ELMO1: variants seen among roughly 807,000 people sequenced by gnomAD.
ELMO1 encodes engulfment and cell motility 1.
Under a neutral mutation model 98.9 loss-of-function variants are expected in ELMO1, and 26 were observed. The observed-to-expected ratio is 0.26, with a 90% CI of 0.19 to 0.36. ELMO1 has a LOEUF of 0.36. Ranked by LOEUF, ELMO1 falls within the 10% of genes least tolerant of loss-of-function variation. The pLI, the probability that ELMO1 is intolerant of heterozygous loss-of-function variation, is 1.00. For synonymous variants in ELMO1, 346 were observed against 346.0 expected (o/e 1.00, Z 0.00); for missense variants, 627 against 935.2 (o/e 0.67, Z 4.30).
chr7:37,160,956 T>C (rs745399352), intron 13 of ELMO1, among the ~76,000 whole-genome samples: 2 of 152,158 alleles, frequency 1.3e-5, no homozygotes, highest in Non-Finnish European at 2.9e-5. Context: ...CAGTTGATAC[T>C]CTTAGAAGGA....
At chr7:37,245,553 T>TTTACCTGC (rs1337514039) in intron 6 of ELMO1, among the ~76,000 whole-genome samples, 6 of 152,192 alleles carry the variant, frequency 3.9e-5, no homozygotes, top group Non-Finnish European at 8.8e-5. Flanking sequence ...CTCCCCCTCC[T>TTTACCTGC]TTACCTGCCT....
chr7:37,175,125 T>C (rs1203284237), intron 13 of ELMO1, among the ~76,000 whole-genome samples: 2 of 151,944 alleles, frequency 1.3e-5, no homozygotes, highest in African/African-American at 4.8e-5. Context: ...AAACAGCATT[T>C]GAAACACTGC....
At chr7:37,007,575 A>G (rs965058276) in intron 16 of ELMO1, among the ~76,000 whole-genome samples, 1 of 152,192 alleles carries the variant, frequency 6.6e-6, no homozygotes, top group Non-Finnish European at 1.5e-5. Context: ...CTGCACCACT[A>G]TGAAGTTGAA....
At chr7:37,360,100 T>G (rs2131323973) in intron 1 of ELMO1, among the ~76,000 whole-genome samples, 1 of 152,300 alleles carries the variant, frequency 6.6e-6, no homozygotes, top group South Asian at 2.1e-4. Flanking sequence ...ACCTTTTCAC[T>G]TCATGAATGG....
intron 13 of ELMO1, among the ~76,000 whole-genome samples, chr7:37,161,134 C>A (rs1789175256): frequency 6.6e-6 from 1 of 152,188 alleles, no homozygotes; most frequent in South Asian, 2.1e-4. Flanking sequence ...CGACTATGAG[C>A]TTTCAGTCTG....
intron 1 of ELMO1, among the ~76,000 whole-genome samples, chr7:37,424,357 T>TC (rs1463574550): frequency 6.6e-6 from 1 of 152,200 alleles, no homozygotes; most frequent in Non-Finnish European, 1.5e-5. Flanking sequence ...AAAGCTATCA[T>TC]CCTTCCATGA....
chr7:37,026,750 C>T (rs1794599835), intron 15 of ELMO1, among the ~76,000 whole-genome samples: 1 of 152,202 alleles, frequency 6.6e-6, no homozygotes, highest in Non-Finnish European at 1.5e-5. Context: ...TGGCACTTCA[C>T]TTCTAAAGCT....
chr7:36,998,654 G>A (rs1299333442), intron 16 of ELMO1, among the ~76,000 whole-genome samples: 1 of 152,136 alleles, frequency 6.6e-6, no homozygotes, highest in Non-Finnish European at 1.5e-5. Flanking sequence ...GGGCTACAAA[G>A]GTGGCAAACA....
chr7:37,303,205 G>A (rs1212731242), intron 4 of ELMO1, among the ~76,000 whole-genome samples: 3 of 152,188 alleles, frequency 2.0e-5, no homozygotes, highest in Non-Finnish European at 4.4e-5. Context: ...ACCTTGTAGA[G>A]CAAAGAGTGT....
intron 16 of ELMO1, among the ~76,000 whole-genome samples, chr7:37,005,692 C>CAAAAA (rs71553094): frequency 1.3e-4 from 5 of 37,496 alleles, no homozygotes; most frequent in East Asian, 9.9e-4. Context: ...GACTCTGTCT[C>CAAAAA]AAAAAAAAAA....
chr7:37,132,442 G>A (rs141412597), intron 14 of ELMO1, among the ~76,000 whole-genome samples: 87 of 152,212 alleles, frequency 5.7e-4, no homozygotes, highest in African/African-American at 1.8e-3. Flanking sequence ...TTCACCCTGA[G>A]GACAGGGGAG....
intron 9 of ELMO1, 27 bp downstream of exon 9, chr7:37,224,852 C>T: frequency 6.2e-7 from 1 of 1,607,930 alleles, no homozygotes; most frequent in South Asian, 1.1e-5. Flanking sequence ...AGCATTTCTC[C>T]TCCCCAGAGC....
At chr7:36,890,390 T>C (rs940572157) in intron 17 of ELMO1, among the ~76,000 whole-genome samples, 19 of 152,184 alleles carry the variant, frequency 1.2e-4, no homozygotes, top group African/African-American at 3.9e-4. Flanking sequence ...ACTGAGCAAC[T>C]ACCCACTGTC....
At chr7:37,444,647 G>C (rs1334870543) in intron 1 of ELMO1, among the ~76,000 whole-genome samples, 1 of 151,954 alleles carries the variant, frequency 6.6e-6, no homozygotes, top group Non-Finnish European at 1.5e-5. Context: ...AGAGCAGCTG[G>C]GACTACAGGC....
At chr7:37,005,838 G>A (rs1187607236) in intron 16 of ELMO1, among the ~76,000 whole-genome samples, 7 of 151,926 alleles carry the variant, frequency 4.6e-5, no homozygotes, top group Admixed American at 6.6e-5. Flanking sequence ...TTGGAATCCC[G>A]TGTCACCTGG....
At chr7:37,377,473 A>G (rs906822453) in intron 1 of ELMO1, among the ~76,000 whole-genome samples, 14 of 152,188 alleles carry the variant, frequency 9.2e-5, no homozygotes, top group Admixed American at 4.6e-4. Flanking sequence ...ACAAGGGTAG[A>G]ATGGGGAATA....
chr7:37,106,908 A>C (rs1784978735), intron 14 of ELMO1, among the ~76,000 whole-genome samples: 1 of 152,100 alleles, frequency 6.6e-6, no homozygotes, highest in Admixed American at 6.5e-5. Flanking sequence ...GAAGATTCTG[A>C]CTCAGTAGGT....
intron 14 of ELMO1, among the ~76,000 whole-genome samples, chr7:37,127,241 T>G (rs1786591385): frequency 6.6e-6 from 1 of 152,240 alleles, no homozygotes; most frequent in Non-Finnish European, 1.5e-5. Flanking sequence ...GTCAATCAAG[T>G]ATCTTTAGAA....
At chr7:37,207,369 G>A (rs1792693195) in intron 13 of ELMO1, among the ~76,000 whole-genome samples, 1 of 152,010 alleles carries the variant, frequency 6.6e-6, no homozygotes, top group East Asian at 1.9e-4. Context: ...TGGCCAACAT[G>A]GCGAAACCCT....
Sources: allele counts gnomAD v4.1 joint callset (sites outside exome capture counted in the v4.1 genomes callset), GRCh38; gene constraint gnomAD v4.1.1; transcripts MANE v1.5; gene names NCBI Gene and HGNC (gene_info 2026-07-23, HGNC 2026-07-21).